The following MYBL1 variants were observed in gnomAD, a reference collection of about 807,000 sequenced individuals.
MYBL1 encodes the protein myb-related protein A.
In MYBL1, 17 loss-of-function variants were observed where a neutral mutation model predicts 96.3. The ratio of observed to expected loss-of-function variants is 0.18; its 90% CI spans 0.12 to 0.26. The LOEUF is 0.26. MYBL1 is among the 10% of genes least tolerant of loss of function. The pLI is 1.00. For synonymous variants in MYBL1, 282 were observed against 292.7 expected (o/e 0.96, Z 0.37); for missense variants, 701 against 882.9 (o/e 0.79, Z 2.61).
At chr8:66,585,088 A>C (rs573388707) in intron 8 of MYBL1, among the ~76,000 whole-genome samples, 24 of 152,140 alleles carry the variant, frequency 1.6e-4, no homozygotes, top group African/African-American at 3.1e-4. Context: ...CCTGAGCAAA[A>C]AAACAAACAA....
intron 3 of MYBL1, among the ~76,000 whole-genome samples, chr8:66,601,458 TTTTTG>T (rs1474494636): frequency 2.0e-5 from 3 of 152,148 alleles, no homozygotes; most frequent in Non-Finnish European, 4.4e-5. Flanking sequence ...TTTATTATCA[TTTTTG>T]TTTTAAGTTA....
chr8:66,601,458 T>C (rs1283947268), intron 3 of MYBL1, among the ~76,000 whole-genome samples: 1 of 152,148 alleles, frequency 6.6e-6, no homozygotes, highest in Admixed American at 6.5e-5. Flanking sequence ...TTTATTATCA[T>C]TTTTGTTTTA....
At position 66,566,715 on chromosome 8, in the gene MYBL1, T is replaced by C; in HGVS notation, c.1919A>G (p.Gln640Arg). 6.2e-7 allele frequency: 1 copy of C among 1,607,336 alleles called. No individual in the cohort carries two copies. The highest frequency in any genetic ancestry group is 8.5e-7 in the Non-Finnish European group (1 of 1,175,194). Residue 640 changes from glutamine (Q) to arginine (R), a missense_variant, in exon 14 of 16, where the codon CAA becomes CGA. Coordinates refer to ENST00000522677, the MANE Select transcript of MYBL1 (RefSeq NM_001080416.4). ...DNWEKEESGT[Q>R]LLTEDISDMQ... Reference sequence around the variant, plus strand: ...GTCTGAAATGTCTTCAGTCAACAGTTGAGTGCCTGATTCTTCTTTTTCCCA... The same window carrying C: ...GTCTGAAATGTCTTCAGTCAACAGTCGAGTGCCTGATTCTTCTTTTTCCCA...
chr8:66,565,304 T>A (rs952943224), intron 15 of MYBL1: 1 of 152,450 alleles, frequency 6.6e-6, no homozygotes, highest in Non-Finnish European at 1.5e-5. Context: ...ATGTTATAGA[T>A]GTGATCTTCT....
intron 9 of MYBL1, among the ~76,000 whole-genome samples, chr8:66,578,744 G>C (rs1214524369): frequency 2.6e-5 from 4 of 152,184 alleles, no homozygotes; most frequent in Non-Finnish European, 5.9e-5. Flanking sequence ...ATACCCAAAG[G>C]ACTATAAATC....
rs888188822 is a variant in MYBL1 at position 66,566,560 on chromosome 8, T to A, written c.1950+124A>T. The A allele has an allele frequency of 6.5e-6, 4 of 612,104 alleles. No individual in the cohort carries two copies. In the East Asian group the frequency reaches 1.1e-4, roughly 17 times the overall value. 37.9% of individuals were successfully genotyped at this position (612,104 alleles called of 1,614,324 possible). A position where few individuals can be genotyped will look rare whatever the true frequency, so the allele number is the denominator to read the frequency against. ...TAGTTTCTCTGTGAATTAGGCAAAA[T>A]GATACTAAGATAAAAATTCTCCATG... On this transcript the variant is annotated intron_variant, in intron 14 of 15. Coordinates refer to ENST00000522677, the MANE Select transcript of MYBL1 (RefSeq NM_001080416.4).
chr8:66,602,607 A>ATTTCTTCAGTCATAC, intron 1 of MYBL1, 84 bp from the exon 2 acceptor site: 2 of 806,600 alleles, frequency 2.5e-6, no homozygotes, highest in Non-Finnish European at 3.8e-6. Flanking sequence ...TGCAGGTATG[A>ATTTCTTCAGTCATAC]CTGAAGAAAT....
intron 12 of MYBL1, among the ~76,000 whole-genome samples, chr8:66,570,720 A>G (rs1808695197): frequency 6.6e-6 from 1 of 152,238 alleles, no homozygotes; most frequent in Admixed American, 6.5e-5. Flanking sequence ...AAACACTGAA[A>G]CAGCCTAAAT....
intron 6 of MYBL1, among the ~76,000 whole-genome samples, chr8:66,593,505 T>C (rs1809733367): frequency 6.6e-6 from 1 of 152,160 alleles, no homozygotes; most frequent in Non-Finnish European, 1.5e-5. Flanking sequence ...TTTAAACATC[T>C]ACTATTAGAA....
chr8:66,606,583 T>G, intron 1 of MYBL1, among the ~76,000 whole-genome samples: 1 of 152,234 alleles, frequency 6.6e-6, no homozygotes, highest in Middle Eastern at 3.2e-3. Flanking sequence ...TATAGATCCT[T>G]TGTAGGAACG....
chr8:66,606,940 G>C (rs1810337036), intron 1 of MYBL1, among the ~76,000 whole-genome samples: 1 of 152,050 alleles, frequency 6.6e-6, no homozygotes, highest in Non-Finnish European at 1.5e-5. Flanking sequence ...ACAGGCGTCT[G>C]CCATCATGCC....
Position 66,566,615 on chromosome 8 carries a change from T to A in MYBL1, c.1950+69A>T, listed in dbSNP as rs898612228. ...TCTAATGAACTGGCTACACAATGAGTAAGAAATAAGAACCTCTAGGACTTA... is the reference window on the plus strand; with the variant it reads ...TCTAATGAACTGGCTACACAATGAGAAAGAAATAAGAACCTCTAGGACTTA... On this transcript the variant is annotated intron_variant, in intron 14 of 15. Coordinates refer to ENST00000522677, the MANE Select transcript of MYBL1 (RefSeq NM_001080416.4). 11 of 1,025,696 alleles carry A rather than the reference T, an allele frequency of 1.1e-5. No individual in the cohort carries two copies. In the Admixed American group the frequency reaches 3.0e-4, roughly 28 times the overall value. 63.5% of individuals were successfully genotyped at this position (1,025,696 alleles called of 1,614,324 possible).
chr8:66,600,623 G>A (rs992159214), intron 3 of MYBL1, among the ~76,000 whole-genome samples: 2 of 152,164 alleles, frequency 1.3e-5, no homozygotes, highest in Non-Finnish European at 2.9e-5. Context: ...TTATAGATAA[G>A]GAAGGTGACA....
Position 66,573,435 on chromosome 8 carries a change from A to C in MYBL1, c.1542T>G (p.Cys514Trp), listed in dbSNP as rs1361362325. 6.2e-7 allele frequency: 1 copy of C among 1,612,818 alleles called. No homozygotes were observed. Among genetic ancestry groups the C allele is most frequent in the Non-Finnish European group, 8.5e-7 (1 of 1,179,310 alleles). The change falls in exon 11 of 16, where the codon TGT becomes TGG. Residue 514 changes from cysteine (C) to tryptophan (W), a missense_variant. Physicochemically the swap from Cys to Trp is radical, Grantham distance 215. Transcript: ENST00000522677. ...ENPSFTSTPI[C>W]GQKALITTPL... ...GAGTTGTAATGAGAGCTTTCTGCCCACAAATAGGGGTTGATGTAAATGAAG... is the reference window on the plus strand; with the variant it reads ...GAGTTGTAATGAGAGCTTTCTGCCCCCAAATAGGGGTTGATGTAAATGAAG...
rs537004447 is a variant in MYBL1 at position 66,585,693 on chromosome 8, G to A, written c.868-5327C>T. 2.6e-5 allele frequency among the ~76,000 whole-genome samples: 4 copies of A among 152,054 alleles called. No individual in the cohort carries two copies. In the South Asian group the frequency reaches 6.2e-4, roughly 24 times the overall value. On this transcript the variant is annotated intron_variant, in intron 8 of 15. Transcript: ENST00000522677. Reference sequence around the variant, plus strand: ...GGAGGTTGCAGTGAACCGAGATCGCGCCACTGCCACTGCACTCCAGCCTGG... The same window carrying A: ...GGAGGTTGCAGTGAACCGAGATCGCACCACTGCCACTGCACTCCAGCCTGG...
Position 66,564,669 on chromosome 8 carries a change from T to A in MYBL1, c.*28A>T. On this transcript the variant is annotated 3_prime_UTR_variant, in exon 16 of 16. Coordinates refer to ENST00000522677, the MANE Select transcript of MYBL1 (RefSeq NM_001080416.4). The stretch of plus-strand genomic sequence containing the variant: ...TTTAGTAGAGACTGCAGTAAGGGAG[T>A]GGGGCATTTCATCAATTTTAATAAC... The A allele has an allele frequency of 6.5e-7, 1 of 1,538,026 alleles. No individual in the cohort carries two copies. Among genetic ancestry groups the A allele is most frequent in the South Asian group, 1.2e-5 (1 of 80,280 alleles).
intron 1 of MYBL1, 66 bp downstream of exon 1, chr8:66,612,753 G>A (rs1810582542): frequency 7.5e-7 from 1 of 1,328,158 alleles, no homozygotes; most frequent in Non-Finnish European, 9.7e-7. Context: ...AGGGGGCAGC[G>A]GGATAGGAAA....
At chr8:66,601,634 T>C in intron 3 of MYBL1, 64 bp downstream of exon 3, 3 of 923,338 alleles carry the variant, frequency 3.2e-6, no homozygotes, top group African/African-American at 1.7e-5. Context: ...TTTTGAAAAA[T>C]AGCAAATTTA....
In MYBL1 at chr8:66,573,501, G is replaced by A; in HGVS notation, c.1476C>T (p.Phe492=). The change falls in exon 11 of 16, where the codon TTC becomes TTT. Residue 492 remains phenylalanine, a synonymous_variant. Coordinates refer to ENST00000522677, the MANE Select transcript of MYBL1 (RefSeq NM_001080416.4). ...GTTGTTCATTACCAGGACATGTGTT[G>A]AAAAACTAGAAAGGGAAGAGAGTTT... is the stretch of plus-strand genomic sequence containing the variant. ...KTLPFSPSQF[F]NTCPGNEQLN... 1 of 1,596,018 alleles carries A rather than the reference G, an allele frequency of 6.3e-7. No individual in the cohort carries two copies. Among genetic ancestry groups the A allele is most frequent in the East Asian group, 2.3e-5 (1 of 44,416 alleles).
Sources: gnomAD v4.1 joint callset for allele counts (sites outside exome capture counted in the v4.1 genomes callset) on GRCh38, gnomAD v4.1.1 for gene constraint, MANE v1.5 for transcripts, NCBI Gene and HGNC (gene_info 2026-07-23, HGNC 2026-07-21) for gene names.